The following PROS1 variants were observed in gnomAD, a reference collection of about 807,000 sequenced individuals.
PROS1 encodes the protein vitamin K-dependent protein S.
PROS1 carries 29 observed loss-of-function variants against 75.9 expected under a neutral mutation model. The ratio of observed to expected loss-of-function variants is 0.38; its 90% CI spans 0.28 to 0.52. The LOEUF (loss-of-function observed/expected upper bound fraction) is 0.52. Ranked by LOEUF, PROS1 falls within the 20% of genes least tolerant of loss-of-function variation. The pLI, the probability that PROS1 is intolerant of heterozygous loss-of-function variation, is 0.83. For missense variants in PROS1, 680 were observed against 810.3 expected (o/e 0.84, Z 1.95); for synonymous variants, 245 against 280.6 (o/e 0.87, Z 1.27).
intron 1 of PROS1, among the ~76,000 whole-genome samples, chr3:93,934,908 T>G (rs939745409): frequency 1.3e-5 from 2 of 151,792 alleles, no homozygotes; most frequent in African/African-American, 4.8e-5. Context: ...GATTTAATTA[T>G]AACTTCAATT....
At chr3:93,874,537 C>A (rs1708155662) in intron 14 of PROS1, 132 bp from the exon 15 acceptor site, 2 of 1,240,760 alleles carry the variant, frequency 1.6e-6, no homozygotes, top group African/African-American at 1.5e-5. Context: ...TAGTGAAATT[C>A]TATTCCATAA....
At chr3:93,919,777 A>G (rs548021930) in intron 3 of PROS1, among the ~76,000 whole-genome samples, 6 of 152,300 alleles carry the variant, frequency 3.9e-5, no homozygotes, top group African/African-American at 1.4e-4. Context: ...GGTGGTAATT[A>G]GAAACCCATG....
At chr3:93,919,336 A>AT (rs1240536833) in intron 3 of PROS1, among the ~76,000 whole-genome samples, 1 of 150,814 alleles carries the variant, frequency 6.6e-6, no homozygotes, top group Non-Finnish European at 1.5e-5. Context: ...ATATCTCATT[A>AT]TTTTTCTGAT....
At chr3:93,939,031 C>T (rs772345360) in intron 1 of PROS1, among the ~76,000 whole-genome samples, 9 of 152,002 alleles carry the variant, frequency 5.9e-5, no homozygotes, top group Non-Finnish European at 1.2e-4. Flanking sequence ...CCTCTATTCC[C>T]CCTTCTTCTC....
At chr3:93,955,958 A>C (rs1345150720) in intron 1 of PROS1, among the ~76,000 whole-genome samples, 3 of 152,192 alleles carry the variant, frequency 2.0e-5, no homozygotes, top group South Asian at 4.1e-4. Context: ...TTGGTTTACT[A>C]TTTGACTCTA....
chr3:93,885,745 A>G (rs998158422), intron 11 of PROS1, among the ~76,000 whole-genome samples: 1 of 152,212 alleles, frequency 6.6e-6, no homozygotes, highest in Non-Finnish European at 1.5e-5. Context: ...AGGTATACTC[A>G]TGTCAACATG....
chr3:93,973,649 A>G, intron 1 of PROS1, 25 bp downstream of exon 1: 1 of 1,609,840 alleles, frequency 6.2e-7, no homozygotes, highest in Non-Finnish European at 8.5e-7. Context: ...TGGGGAAGGG[A>G]GAAGAGACGC....
chr3:93,916,356 A>C (rs916617879), intron 3 of PROS1, among the ~76,000 whole-genome samples: 1 of 152,320 alleles, frequency 6.6e-6, no homozygotes, highest in East Asian at 1.9e-4. Context: ...CCAAAATTTG[A>C]AAGCTCTGAG....
At position 93,877,040 on chromosome 3, in the gene PROS1, T is replaced by C; in HGVS notation, c.1796A>G (p.Asp599Gly). The C allele has an allele frequency of 6.2e-7, 1 of 1,614,036 alleles. No individual in the cohort carries two copies. The change falls in exon 14 of 15, where the codon GAC becomes GGC. Residue 599 changes from aspartate (D) to glycine (G), a missense_variant. Physicochemically the swap from Asp to Gly is moderately conservative, Grantham distance 94. Coordinates refer to ENST00000394236, the MANE Select transcript of PROS1 (RefSeq NM_000313.4). ...CAAGACGGCAAGTTGTCTTTGAAGG[T>C]CTTCATGGGAGATGGTTTCTATTTT... ...PLKIETISHE[D>G]LQRQLAVLDK...
At chr3:93,949,418 C>G (rs1301360288) in intron 1 of PROS1, among the ~76,000 whole-genome samples, 2 of 151,976 alleles carry the variant, frequency 1.3e-5, no homozygotes, top group African/African-American at 4.8e-5. Context: ...TTCCTTTATA[C>G]CACACTAAAG....
At chr3:93,882,607 G>A (rs957859980) in intron 12 of PROS1, among the ~76,000 whole-genome samples, 1 of 152,114 alleles carries the variant, frequency 6.6e-6, no homozygotes, top group Non-Finnish European at 1.5e-5. Flanking sequence ...CATGCAATTT[G>A]GTAAAAATAA....
chr3:93,955,716 A>ACT (rs1709587968), intron 1 of PROS1, among the ~76,000 whole-genome samples: 1 of 149,890 alleles, frequency 6.7e-6, no homozygotes, highest in South Asian at 2.1e-4. Context: ...CCTAGAACTT[A>ACT]AAGTATAAAA....
intron 1 of PROS1, among the ~76,000 whole-genome samples, chr3:93,934,012 A>G (rs1709145465): frequency 1.3e-5 from 2 of 149,816 alleles, no homozygotes; most frequent in Admixed American, 6.6e-5. Context: ...CTGTCTCAAA[A>G]AAAAAAAAAA....
chr3:93,877,368 T>C (rs1708206874), intron 13 of PROS1, among the ~76,000 whole-genome samples, 177 bp from the exon 14 acceptor site: 1 of 152,132 alleles, frequency 6.6e-6, no homozygotes, highest in Non-Finnish European at 1.5e-5. Context: ...TTTATAATAA[T>C]TATGACTAAA....
In PROS1 at chr3:93,928,815, TAAAC is replaced by T. The variant is rs932812146; in HGVS notation, c.77-1412_77-1409del. On this transcript the variant is annotated intron_variant, in intron 1 of 14. Coordinates refer to ENST00000394236, the MANE Select transcript of PROS1 (RefSeq NM_000313.4). ...TAAACAAACTATAAAGAAAACAATA[TAAAC>T]AATCATATAAACCATCACTACAGAG... 2.4e-5 allele frequency: 24 copies of T among 1,018,734 alleles called. No individual in the cohort carries two copies. In the Admixed American group the frequency reaches 6.0e-4, roughly 26 times the overall value. 63.1% of individuals were successfully genotyped at this position (1,018,734 alleles called of 1,614,324 possible).
intron 10 of PROS1, 30 bp from the exon 11 acceptor site, chr3:93,886,533 A>G: frequency 6.7e-7 from 1 of 1,499,326 alleles, no homozygotes. Context: ...TTACCAAATA[A>G]CCAAGTATTA....
rs1264427768 is a variant in PROS1, at chr3:93,960,105, T to C, written c.76+13569A>G. On this transcript the variant is annotated intron_variant, in intron 1 of 14. Transcript: ENST00000394236. ...GAGAAAATGTTTCTAACAGACATAG[T>C]GCCGAAGAAATATTCCATGTGCTTC... is the stretch of plus-strand genomic sequence containing the variant. 2.6e-5 allele frequency among the ~76,000 whole-genome samples: 4 copies of C among 152,140 alleles called. No homozygotes were observed. The East Asian group carries it at 7.7e-4, about 29-fold the overall frequency.
chr3:93,925,362 G>A (rs1576197205), intron 2 of PROS1, among the ~76,000 whole-genome samples: 1 of 152,114 alleles, frequency 6.6e-6, no homozygotes, highest in South Asian at 2.1e-4. Context: ...TAGATAATGG[G>A]ATTCAAAGGT....
intron 4 of PROS1, among the ~76,000 whole-genome samples, chr3:93,906,542 C>T (rs1437872767): frequency 3.3e-5 from 5 of 152,324 alleles, no homozygotes; most frequent in East Asian, 1.9e-4. Flanking sequence ...GGCTTCTCCC[C>T]GCAGCAGGCA....
Sources: gnomAD v4.1 joint callset for allele counts (sites outside exome capture counted in the v4.1 genomes callset) on GRCh38, gnomAD v4.1.1 for gene constraint, MANE v1.5 for transcripts, NCBI Gene and HGNC (gene_info 2026-07-23, HGNC 2026-07-21) for gene names.